TGFB2: variants seen among roughly 807,000 people sequenced by gnomAD.
TGFB2 encodes the protein transforming growth factor beta-2 proprotein.
In TGFB2, 13 loss-of-function variants were observed where a neutral mutation model predicts 42.7. That is an observed-to-expected ratio of 0.30 (90% confidence interval 0.20 to 0.48). TGFB2 has a LOEUF of 0.48. Among genes scored for constraint, TGFB2 ranks in the 20% least tolerant of loss-of-function variants. The pLI is 0.99. For synonymous variants in TGFB2, 193 were observed against 193.6 expected (o/e 1.00, Z 0.03); for missense variants, 390 against 517.5 (o/e 0.75, Z 2.39).
In TGFB2 at chr1:218,367,409, A is replaced by C. The variant is rs373261627; in HGVS notation, c.346+20362A>C. The stretch of plus-strand genomic sequence containing the variant: ...AACCAGAGGCATTAGAGCAGGCAAG[A>C]ATCTGACCAACCTATTAAGAAGCAA... On this transcript the variant is annotated intron_variant, in intron 1 of 6. Transcript: ENST00000366930. Among the ~76,000 whole-genome samples the C allele has an allele frequency of 4.6e-5, 7 of 152,360 alleles. No individual in the cohort carries two copies. In the East Asian group the frequency reaches 5.8e-4, roughly 13 times the overall value.
intron 1 of TGFB2, among the ~76,000 whole-genome samples, chr1:218,392,135 A>G (rs1384211195): frequency 6.6e-6 from 1 of 152,164 alleles, no homozygotes; most frequent in Non-Finnish European, 1.5e-5. Context: ...GCGGATCACA[A>G]GGTCAAGAGA....
intron 1 of TGFB2, among the ~76,000 whole-genome samples, chr1:218,379,341 C>A (rs1275424272): frequency 6.6e-6 from 1 of 151,724 alleles, no homozygotes; most frequent in South Asian, 2.1e-4. Flanking sequence ...CACCGTGGTT[C>A]GCCAGGATGG....
chr1:218,419,862 G>T (rs1659397931), intron 2 of TGFB2, among the ~76,000 whole-genome samples: 1 of 152,134 alleles, frequency 6.6e-6, no homozygotes, highest in Admixed American at 6.5e-5. Context: ...ATAAAATTAT[G>T]TAATAAATTA....
chr1:218,361,801 A>G (rs907016816), intron 1 of TGFB2, among the ~76,000 whole-genome samples: 2 of 152,162 alleles, frequency 1.3e-5, no homozygotes, highest in African/African-American at 4.8e-5. Context: ...TATTTGAGGG[A>G]ATTTTCTTCC....
intron 1 of TGFB2, among the ~76,000 whole-genome samples, chr1:218,350,069 C>T (rs894592131): frequency 2.6e-5 from 4 of 152,080 alleles, no homozygotes; most frequent in Non-Finnish European, 4.4e-5. Flanking sequence ...ATTTGAAGTT[C>T]GAGGCACATC....
chr1:218,355,180 C>T (rs937118025), intron 1 of TGFB2, among the ~76,000 whole-genome samples: 8 of 152,154 alleles, frequency 5.3e-5, no homozygotes, highest in Admixed American at 2.6e-4. Context: ...GATTATAGGC[C>T]CGAGCCACCG....
intron 5 of TGFB2, 52 bp downstream of exon 5, chr1:218,436,199 T>G (rs1659968081): frequency 6.3e-7 from 1 of 1,578,312 alleles, no homozygotes; most frequent in Admixed American, 1.8e-5. Flanking sequence ...ACTCTTAAAC[T>G]GCCTTTGCCC....
chr1:218,430,478 A>G (rs1458889372), intron 2 of TGFB2, among the ~76,000 whole-genome samples: 2 of 152,154 alleles, frequency 1.3e-5, no homozygotes, highest in Non-Finnish European at 2.9e-5. Context: ...ATCCACAACT[A>G]CTAACATTCA....
At chr1:218,405,561 G>T (rs1319185175) in intron 2 of TGFB2, 1 of 611,620 alleles carries the variant, frequency 1.6e-6, no homozygotes, top group South Asian at 1.8e-5. Context: ...TAGATACGAG[G>T]TCTCACCGTG....
intron 1 of TGFB2, among the ~76,000 whole-genome samples, chr1:218,386,277 C>T (rs1286682135): frequency 6.6e-6 from 1 of 152,174 alleles, no homozygotes; most frequent in Non-Finnish European, 1.5e-5. Flanking sequence ...CTGGAAACCT[C>T]AGTCTCTTCA....
In TGFB2 at chr1:218,405,343, T is replaced by TTTG. The variant is rs10482769; in HGVS notation, c.510+41_510+43dup. ...ATTGAGCTATATCAGGTAATGTTCA[T>TTTG]TTGTTGTTGTTGTTGTTGTTGTTGT... On this transcript the variant is annotated intron_variant, in intron 2 of 6. Transcript: ENST00000366930. 0.024 allele frequency: 36,666 copies of TTTG among 1,502,982 alleles called. 332 individuals are homozygous for TTTG. Among genetic ancestry groups the TTTG allele is most frequent in the African/African-American group, 0.038 (2,720 of 72,504 alleles). 93.1% of individuals were successfully genotyped at this position (1,502,982 alleles called of 1,614,324 possible). A position where few individuals can be genotyped will look rare whatever the true frequency, so the allele number is the denominator to read the frequency against.
chr1:218,388,925 G>A (rs1392891065), intron 1 of TGFB2, among the ~76,000 whole-genome samples: 1 of 152,300 alleles, frequency 6.6e-6, no homozygotes, highest in South Asian at 2.1e-4. Flanking sequence ...TCAGCTGAAT[G>A]TGCTTGCCCT....
intron 1 of TGFB2, among the ~76,000 whole-genome samples, chr1:218,356,626 G>A (rs1031144253): frequency 2.6e-5 from 4 of 152,204 alleles, no homozygotes; most frequent in African/African-American, 9.7e-5. Flanking sequence ...TCAAAGAACA[G>A]AGGGGATGTT....
At chr1:218,369,946 C>T (rs2102553087) in intron 1 of TGFB2, among the ~76,000 whole-genome samples, 1 of 152,292 alleles carries the variant, frequency 6.6e-6, no homozygotes. Context: ...AATTCTTAAG[C>T]TTTGAACAGG....
chr1:218,388,171 A>G (rs1361700456), intron 1 of TGFB2, among the ~76,000 whole-genome samples: 1 of 152,220 alleles, frequency 6.6e-6, no homozygotes, highest in Non-Finnish European at 1.5e-5. Context: ...TGACAATAAA[A>G]AAGGGGTAAT....
rs1660220877 is a variant in TGFB2 at position 218,443,452 on chromosome 1, A to G, written c.*2090A>G. Reference sequence around the variant, plus strand: ...CATTAATTAAAGAATTGGATTTGCAAGTTTGAAAACTGGAAAAGCAAGAGA... The same window carrying G: ...CATTAATTAAAGAATTGGATTTGCAGGTTTGAAAACTGGAAAAGCAAGAGA... On this transcript the variant is annotated 3_prime_UTR_variant, in exon 7 of 7. Transcript: ENST00000366930. 1 of 152,196 alleles carries G rather than the reference A, an allele frequency of 6.6e-6. No individual in the cohort carries two copies. The highest frequency in any genetic ancestry group is 2.1e-4 in the South Asian group (1 of 4,836). The allele number at this position is 152,196 out of a possible 1,614,324, so 9.4% of individuals were successfully genotyped here. A position where few individuals can be genotyped will look rare whatever the true frequency, so the allele number is the denominator to read the frequency against.
In TGFB2 at chr1:218,441,715, T is replaced by A; in HGVS notation, c.*353T>A. On this transcript the variant is annotated 3_prime_UTR_variant, in exon 7 of 7. Transcript: ENST00000366930. ...ACAACAACAACAACAAACAGGAAAA[T>A]CCCATTAAGTGGAGTTGCTGTACGT... 5.3e-6 allele frequency: 1 copy of A among 187,794 alleles called. No individual in the cohort carries two copies. Among genetic ancestry groups the A allele is most frequent in the Non-Finnish European group, 1.1e-5 (1 of 91,484 alleles). 11.6% of individuals were successfully genotyped at this position (187,794 alleles called of 1,614,324 possible).
intron 1 of TGFB2, among the ~76,000 whole-genome samples, chr1:218,395,611 C>CTTTTTTTT (rs35666134): frequency 2.9e-5 from 4 of 138,616 alleles, no homozygotes; most frequent in East Asian, 2.0e-4. Context: ...TTTTCTTTTT[C>CTTTTTTTT]TTTTTTTTTT....
intron 2 of TGFB2, among the ~76,000 whole-genome samples, chr1:218,429,464 T>A (rs1016396271): frequency 6.6e-6 from 1 of 152,238 alleles, no homozygotes; most frequent in Admixed American, 6.5e-5. Context: ...AGTGGATGAG[T>A]GTACTACATT....
Sources: allele counts gnomAD v4.1 joint callset (sites outside exome capture counted in the v4.1 genomes callset), GRCh38; gene constraint gnomAD v4.1.1; transcripts MANE v1.5; gene names NCBI Gene and HGNC (gene_info 2026-07-23, HGNC 2026-07-21).